Variants in B3GALNT2 observed in about 807,000 individuals in gnomAD.
The protein encoded by B3GALNT2 is UDP-GalNAc:beta-1,3-N-acetylgalactosaminyltransferase 2.
B3GALNT2 carries 53 observed loss-of-function variants against 61.1 expected under a neutral mutation model. The ratio of observed to expected loss-of-function variants is 0.87; its 90% CI spans 0.70 to 1.09. B3GALNT2 has a LOEUF of 1.09. B3GALNT2 is among the 50% of genes least tolerant of loss of function. The probability of loss-of-function intolerance (pLI) is 0.00; values close to 1 mark genes in which losing one functional copy is unlikely to be tolerated. For missense variants in B3GALNT2, 544 were observed against 623.0 expected, an observed-to-expected ratio of 0.87 and a Z score of 1.35; for synonymous variants, 223 against 237.4, an observed-to-expected ratio of 0.94 and a Z score of 0.56.
rs554471797 is a variant in B3GALNT2 at position 235,458,991 on chromosome 1, A to G, written c.842-205T>C. Reference sequence around the variant, plus strand: ...TCCCACTCTGGAAAGCAATTTGGCAATATCTATTTAGGCTGAAAATGTGTA... The same window carrying G: ...TCCCACTCTGGAAAGCAATTTGGCAGTATCTATTTAGGCTGAAAATGTGTA... On this transcript the variant is annotated intron_variant, in intron 7 of 11. Transcript: ENST00000366600. Among the ~76,000 whole-genome samples, 132 of 152,316 alleles carry G rather than the reference A, an allele frequency of 8.7e-4. 1 individual carries two copies. The South Asian group carries it at 0.026, about 30-fold the overall frequency.
intron 11 of B3GALNT2, 102 bp downstream of exon 11, chr1:235,452,988 T>C: frequency 9.8e-7 from 1 of 1,019,352 alleles, no homozygotes; most frequent in East Asian, 2.5e-5. Flanking sequence ...AAATCCTAAA[T>C]ACTTCTGGTC....
chr1:235,485,182 A>C (rs1684744945), intron 3 of B3GALNT2, among the ~76,000 whole-genome samples: 1 of 152,232 alleles, frequency 6.6e-6, no homozygotes, highest in Non-Finnish European at 1.5e-5. Context: ...ACTGAGGCCC[A>C]AAATTAAGCA....
intron 3 of B3GALNT2, 113 bp downstream of exon 3, chr1:235,489,055 C>T: frequency 2.2e-6 from 3 of 1,338,150 alleles, no homozygotes; most frequent in Non-Finnish European, 2.0e-6. Flanking sequence ...GTCTCTAAAA[C>T]ACATAATAAA....
At chr1:235,496,111 A>G (rs1483379160) in intron 1 of B3GALNT2, 1 of 157,232 alleles carries the variant, frequency 6.4e-6, no homozygotes, top group African/African-American at 2.4e-5. Flanking sequence ...CGGGAGTTCA[A>G]GACCAGCCTG....
intron 1 of B3GALNT2, among the ~76,000 whole-genome samples, chr1:235,498,073 C>A (rs1392087427): frequency 1.3e-5 from 2 of 152,096 alleles, no homozygotes; most frequent in African/African-American, 4.8e-5. Flanking sequence ...ATATTGAAGT[C>A]AAATGTCAGA....
At chr1:235,441,821 T>G in the B3GALNT2 span, 1 of 1,613,986 alleles carries the variant, frequency 6.2e-7, no homozygotes, top group Non-Finnish European at 8.5e-7. Context: ...CAGAATATGG[T>G]GCACCTGAAG....
rs1175498989 is a variant in B3GALNT2 at position 235,453,460 on chromosome 1, C to CT, written c.1312-315dup. ...TCTTTCTATTCCTCCAGGGACTATA[C>CT]TTTTTTTTTTTTTGAGACAGAGTGT... On this transcript the variant is annotated intron_variant, in intron 10 of 11. Transcript: ENST00000366600. 3.6e-3 allele frequency among the ~76,000 whole-genome samples: 516 copies of CT among 145,146 alleles called. 1 individual carries two copies. Among genetic ancestry groups the CT allele is most frequent in the African/African-American group, 6.9e-3 (275 of 39,904 alleles).
chr1:235,447,201 C>T lies in B3GALNT2; in HGVS notation c.*3005G>A, dbSNP rs1406572910. On this transcript the variant is annotated 3_prime_UTR_variant, in exon 12 of 12. Coordinates refer to ENST00000366600, the MANE Select transcript of B3GALNT2 (RefSeq NM_152490.5). The stretch of plus-strand genomic sequence containing the variant: ...TTCTATTAACTGTATTCAATACATA[C>T]AAAAAGGCCAGTTTTTATTCTAAAA... Among the ~76,000 whole-genome samples the T allele has an allele frequency of 6.6e-6, 1 of 152,060 alleles. No individual in the cohort carries two copies. Among genetic ancestry groups the T allele is most frequent in the African/African-American group, 2.4e-5 (1 of 41,400 alleles).
In B3GALNT2 at chr1:235,454,242, C is replaced by G. The variant is rs1200890300; in HGVS notation, c.1225G>C (p.Ala409Pro). Reference protein sequence around the residue: ...ELEYPSPAYPAFACGSGYVIS... With the variant: ...ELEYPSPAYPPFACGSGYVIS... ...ACATATCCTGACCCACATGCAAAGG[C>G]AGGGTAAGCGGGGCTCGGGTACTCC... Residue 409 changes from alanine to proline, a missense_variant, in exon 10 of 12, where the codon GCC (alanine) becomes CCC (proline). Transcript: ENST00000366600. The G allele has an allele frequency of 3.1e-6, 5 of 1,613,574 alleles. No individual in the cohort carries two copies. The highest frequency in any genetic ancestry group is 4.2e-6 in the Non-Finnish European group (5 of 1,179,628).
intron 5 of B3GALNT2, among the ~76,000 whole-genome samples, chr1:235,474,975 ATATATATATATATTT>A (rs1684188854): frequency 7.1e-5 from 2 of 28,146 alleles, no homozygotes; most frequent in Non-Finnish European, 1.1e-4. Context: ...ATATATATAT[ATATATATATATATTT>A]TTTTTTTTTT....
At chr1:235,450,452 A>T (rs1005342702) in intron 11 of B3GALNT2, 112 bp from the exon 12 acceptor site, 1 of 1,325,200 alleles carries the variant, frequency 7.5e-7, no homozygotes, top group African/African-American at 1.5e-5. Flanking sequence ...AAATTATTTC[A>T]AGGATAACTC....
At chr1:235,504,110 G>T (rs1383798109) in intron 1 of B3GALNT2, 31 bp downstream of exon 1, 1 of 1,208,586 alleles carries the variant, frequency 8.3e-7, no homozygotes, top group African/African-American at 1.6e-5. Flanking sequence ...CCCCCCGGCG[G>T]CCGCCAACCC....
intron 6 of B3GALNT2, among the ~76,000 whole-genome samples, chr1:235,466,923 A>G (rs1462615481): frequency 6.6e-6 from 1 of 152,184 alleles, no homozygotes; most frequent in Non-Finnish European, 1.5e-5. Flanking sequence ...CTACACCTTC[A>G]TTTAATCAAG....
chr1:235,473,997 T>C (rs531232254), intron 5 of B3GALNT2, among the ~76,000 whole-genome samples: 1 of 152,316 alleles, frequency 6.6e-6, no homozygotes, highest in South Asian at 2.1e-4. Context: ...TTGAATGTGT[T>C]ACCAGAAAAA....
chr1:235,450,650 G>A, intron 11 of B3GALNT2: 1 of 331,098 alleles, frequency 3.0e-6, no homozygotes, highest in Non-Finnish European at 5.8e-6. Flanking sequence ...TGCTAGTAAA[G>A]GTGTGTCTAT....
intron 3 of B3GALNT2, among the ~76,000 whole-genome samples, chr1:235,488,690 T>C (rs1684916393): frequency 2.0e-5 from 1 of 49,188 alleles, no homozygotes; most frequent in African/African-American, 9.8e-5. Context: ...AGACTCCATC[T>C]CCAAAAAAAA....
chr1:235,465,765 T>A (rs770409438), intron 6 of B3GALNT2, 51 bp from the exon 7 acceptor site: 3 of 1,585,150 alleles, frequency 1.9e-6, no homozygotes, highest in Non-Finnish European at 2.6e-6. Context: ...AATACACTGA[T>A]CATATTTTAA....
chr1:235,474,987 A>ATATTT (rs1180244284), intron 5 of B3GALNT2, among the ~76,000 whole-genome samples: 9 of 35,570 alleles, frequency 2.5e-4, no homozygotes, highest in Non-Finnish European at 3.4e-4. Context: ...ATATATATAT[A>ATATTT]TTTTTTTTTT....
At chr1:235,496,547 CTTTT>C (rs1396277043) in intron 1 of B3GALNT2, among the ~76,000 whole-genome samples, 5 of 133,374 alleles carry the variant, frequency 3.7e-5, no homozygotes, top group Non-Finnish European at 3.3e-5. Context: ...GTACTTGTTT[CTTTT>C]TTTTTTTTTT....
Sources: allele counts gnomAD v4.1 joint callset (sites outside exome capture counted in the v4.1 genomes callset), GRCh38; gene constraint gnomAD v4.1.1; transcripts MANE v1.5; gene names NCBI Gene and HGNC (gene_info 2026-07-23, HGNC 2026-07-21).